Variants in EPG5 observed in about 807,000 individuals in gnomAD.
EPG5 encodes ectopic P granules protein 5 homolog.
In EPG5, 159 loss-of-function variants were observed where a neutral mutation model predicts 302.7. That is an observed-to-expected ratio of 0.53 (90% CI 0.46 to 0.60). The LOEUF (loss-of-function observed/expected upper bound fraction) is 0.60. Among genes scored for constraint, EPG5 ranks in the 20% least tolerant of loss-of-function variants. The pLI, the probability that EPG5 is intolerant of heterozygous loss-of-function variation, is 0.00. For synonymous variants in EPG5, 1,158 were observed against 1,136.8 expected (o/e 1.02, Z -0.37); for missense variants, 2,896 against 3,092.4 (o/e 0.94, Z 1.51).
Position 45,939,675 on chromosome 18 carries a change from T to G in EPG5, c.2024A>C (p.Tyr675Ser). The G allele has an allele frequency of 6.2e-7, 1 of 1,613,982 alleles. No homozygotes were observed. Among genetic ancestry groups the G allele is most frequent in the Non-Finnish European group, 8.5e-7 (1 of 1,179,960 alleles). Reference sequence around the variant, plus strand: ...TTCAACCTGTAGTTTCTCCATAGAGTAGGGCTGTTGGGCCAATCCTGAGCC... The same window carrying G: ...TTCAACCTGTAGTTTCTCCATAGAGGAGGGCTGTTGGGCCAATCCTGAGCC... ...NQGSGLAQQPYSMEKLQVEFD... is the reference protein window; with the variant it reads ...NQGSGLAQQPSSMEKLQVEFD... Residue 675 changes from tyrosine to serine, a missense_variant, in exon 10 of 44, where the codon TAC becomes TCC. Tyr to Ser is a moderately radical substitution (Grantham distance 144). Coordinates refer to ENST00000282041, the MANE Select transcript of EPG5 (RefSeq NM_020964.3).
chr18:45,886,572 G>A (rs1228357593), intron 29 of EPG5, among the ~76,000 whole-genome samples: 3 of 152,150 alleles, frequency 2.0e-5, no homozygotes, highest in South Asian at 4.1e-4. Context: ...TGTTAGCTAT[G>A]TAGTCAGTAT....
chr18:45,869,582 T>C (rs1216255802), intron 36 of EPG5, among the ~76,000 whole-genome samples: 4 of 152,210 alleles, frequency 2.6e-5, no homozygotes, highest in African/African-American at 9.7e-5. Flanking sequence ...ACCACCTTTC[T>C]CTAGTATGTT....
At chr18:45,947,698 T>C (rs1477987332) in intron 6 of EPG5, among the ~76,000 whole-genome samples, 1 of 152,052 alleles carries the variant, frequency 6.6e-6, no homozygotes, top group Non-Finnish European at 1.5e-5. Flanking sequence ...CTAACCTGTG[T>C]TGGGGCCTTT....
Position 45,858,228 on chromosome 18 carries a change from G to A in EPG5, c.7227-160C>T, listed in dbSNP as rs563077830. On this transcript the variant is annotated intron_variant, in intron 41 of 43. Transcript: ENST00000282041. ...ATAGAGCCATGGGATTGTAACCACC[G>A]CCATCTGTGGAACACCTACTACACG... Among the ~76,000 whole-genome samples the A allele has an allele frequency of 9.9e-5, 15 of 152,280 alleles. No homozygotes were observed. In the South Asian group the frequency reaches 2.9e-3, roughly 29 times the overall value.
chr18:45,819,458 G>T, the EPG5 span, among the ~76,000 whole-genome samples: 11 of 152,184 alleles, frequency 7.2e-5, no homozygotes, highest in Non-Finnish European at 1.6e-4. Context: ...CAGCTGAGAA[G>T]TTCAAGGCCA....
In EPG5 at chr18:45,952,746, A is replaced by G. The variant is rs1387771648; in HGVS notation, c.1009-103T>C. On this transcript the variant is annotated intron_variant, in intron 2 of 43. Coordinates refer to ENST00000282041, the MANE Select transcript of EPG5 (RefSeq NM_020964.3). ...ACACAGGCTTCAGTACCATCTTCAA[A>G]GAGCTTATAATCATGGTGAGGAGAC... is the stretch of plus-strand genomic sequence containing the variant. 22 of 1,204,358 alleles carry G rather than the reference A, an allele frequency of 1.8e-5. No homozygotes were observed. In the African/African-American group the frequency reaches 3.2e-4, roughly 17 times the overall value. The allele number at this position is 1,204,358 out of a possible 1,614,324, so 74.6% of individuals were successfully genotyped here. A position where few individuals can be genotyped will look rare whatever the true frequency, so the allele number is the denominator to read the frequency against.
At chr18:45,927,786 A>G (rs2050309151) in intron 13 of EPG5, among the ~76,000 whole-genome samples, 1 of 152,168 alleles carries the variant, frequency 6.6e-6, no homozygotes, top group African/African-American at 2.4e-5. Context: ...TGTCTGAAAT[A>G]GGCAAAAATC....
At chr18:45,914,623 A>T (rs2049987859) in intron 20 of EPG5, among the ~76,000 whole-genome samples, 1 of 152,248 alleles carries the variant, frequency 6.6e-6, no homozygotes, top group South Asian at 2.1e-4. Context: ...TTGACAATTG[A>T]GAAAACTGAG....
chr18:45,856,987 C>T (rs1196459182), intron 42 of EPG5, among the ~76,000 whole-genome samples: 4 of 151,654 alleles, frequency 2.6e-5, no homozygotes, highest in Non-Finnish European at 5.9e-5. Flanking sequence ...GGTGTGATCT[C>T]GGCTGACTGC....
chr18:45,914,142 G>C (rs1320053592), intron 20 of EPG5, among the ~76,000 whole-genome samples: 1 of 152,210 alleles, frequency 6.6e-6, no homozygotes, highest in African/African-American at 2.4e-5. Flanking sequence ...CAGGGGCTCT[G>C]TCTTTAAGAA....
intron 25 of EPG5, 115 bp downstream of exon 25, chr18:45,903,858 G>A (rs1396858893): frequency 9.4e-7 from 1 of 1,069,158 alleles, no homozygotes; most frequent in Non-Finnish European, 1.3e-6. Context: ...TCTTTTTAAA[G>A]CACCAGAGGA....
the EPG5 span, among the ~76,000 whole-genome samples, chr18:45,839,717 G>A: frequency 6.6e-6 from 1 of 152,176 alleles, no homozygotes; most frequent in African/African-American, 2.4e-5. Flanking sequence ...AAGGAGAAAC[G>A]CTCTTCCTAG....
intron 13 of EPG5, among the ~76,000 whole-genome samples, chr18:45,927,752 T>C (rs2050308235): frequency 6.6e-6 from 1 of 152,062 alleles, no homozygotes; most frequent in African/African-American, 2.4e-5. Context: ...AGACCATATA[T>C]TACATAGTTC....
Position 45,878,399 on chromosome 18 carries a change from G to A in EPG5, c.5919C>T (p.Ile1973=). 1.2e-6 allele frequency: 2 copies of A among 1,612,246 alleles called. No individual in the cohort carries two copies. The highest frequency in any genetic ancestry group is 1.7e-6 in the Non-Finnish European group (2 of 1,178,974). Reference sequence around the variant, plus strand: ...ACCTTTCGTTGTCCTCTAAAACCAGGATCCATGGCTTAAAGAGCTGAATGA... The same window carrying A: ...ACCTTTCGTTGTCCTCTAAAACCAGAATCCATGGCTTAAAGAGCTGAATGA... ...SVIIQLFKPW[I]LVLEDNESSQ... The change falls in exon 34 of 44, where the codon ATC becomes ATT. Residue 1973 remains isoleucine (I), a synonymous_variant. Transcript: ENST00000282041.
At chr18:45,949,438 A>ACATTATTCAGGAAT in intron 5 of EPG5, 46 bp downstream of exon 5, 1 of 1,170,292 alleles carries the variant, frequency 8.5e-7, no homozygotes, top group South Asian at 1.5e-5. Context: ...ATGTCTAATA[A>ACATTATTCAGGAAT]AACCTCTCCC....
chr18:45,966,371 G>C (rs1414848701), intron 1 of EPG5, among the ~76,000 whole-genome samples: 2 of 125,640 alleles, frequency 1.6e-5, no homozygotes, highest in Non-Finnish European at 3.1e-5. Context: ...GCAAGACTCT[G>C]TCTCAAAAAA....
chr18:45,813,077 A>G, the EPG5 span, among the ~76,000 whole-genome samples: 1 of 151,314 alleles, frequency 6.6e-6, no homozygotes, highest in East Asian at 1.9e-4. Context: ...TTACAAGAAA[A>G]AAACAACCCC....
intron 16 of EPG5, among the ~76,000 whole-genome samples, chr18:45,919,159 T>C (rs926792529): frequency 6.6e-6 from 1 of 152,234 alleles, no homozygotes; most frequent in Non-Finnish European, 1.5e-5. Context: ...ACAATGTCTG[T>C]AATATTATAT....
chr18:45,837,382 G>T, the EPG5 span: 1 of 1,312,886 alleles, frequency 7.6e-7, no homozygotes, highest in Non-Finnish European at 9.9e-7. Context: ...AGTGGGGGAC[G>T]ATCCCTGAGT....
Sources: allele counts gnomAD v4.1 joint callset (sites outside exome capture counted in the v4.1 genomes callset), GRCh38; gene constraint gnomAD v4.1.1; transcripts MANE v1.5; gene names NCBI Gene and HGNC (gene_info 2026-07-23, HGNC 2026-07-21).